Variants in ATP11A observed in about 807,000 individuals in gnomAD.
The protein encoded by ATP11A is phospholipid-transporting ATPase IH.
Under a neutral mutation model 154.4 loss-of-function variants are expected in ATP11A, and 81 were observed. That is an observed-to-expected ratio of 0.52 (90% confidence interval 0.44 to 0.63). The LOEUF (loss-of-function observed/expected upper bound fraction) is 0.63, where lower values mean the gene tolerates loss of function less well. ATP11A is among the 30% of genes least tolerant of loss of function. The pLI is 0.00. For missense variants in ATP11A, 1,316 were observed against 1,474.3 expected, an observed-to-expected ratio of 0.89 and a Z score of 1.76; for synonymous variants, 623 against 585.9, an observed-to-expected ratio of 1.06 and a Z score of -0.91.
chr13:112,796,277 C>T (rs1374301917), intron 2 of ATP11A, among the ~76,000 whole-genome samples: 1 of 152,160 alleles, frequency 6.6e-6, no homozygotes, highest in Non-Finnish European at 1.5e-5. Flanking sequence ...GAAGGATGGC[C>T]TCCCACAGAT....
intron 2 of ATP11A, among the ~76,000 whole-genome samples, chr13:112,787,443 G>A (rs71446641): frequency 0.47 from 45,114 of 95,836 alleles, 11,158 homozygotes; most frequent in Middle Eastern, 0.6. Flanking sequence ...AATTCACACC[G>A]GGTGTCCTGA....
At chr13:112,880,678 G>A (rs930612029) in intron 29 of ATP11A, 21 of 1,269,374 alleles carry the variant, frequency 1.7e-5, no homozygotes, top group Middle Eastern at 2.2e-4. Context: ...GACGCCGCCC[G>A]TGTGCTGTGA....
chr13:112,817,899 C>T (rs780939730), intron 6 of ATP11A, among the ~76,000 whole-genome samples: 12 of 152,238 alleles, frequency 7.9e-5, no homozygotes, highest in Admixed American at 6.5e-5. Context: ...GAAGGGTCCA[C>T]CCGACCTCTG....
chr13:112,776,813 T>G (rs1594648318), intron 1 of ATP11A, among the ~76,000 whole-genome samples: 1 of 152,074 alleles, frequency 6.6e-6, no homozygotes, highest in African/African-American at 2.4e-5. Flanking sequence ...GCCAGGCTGG[T>G]TTCAAACTCC....
rs1408133086 is a variant in ATP11A at position 112,700,221 on chromosome 13, G to A, written c.39+9766G>A. Among the ~76,000 whole-genome samples the A allele has an allele frequency of 2.6e-5, 4 of 152,224 alleles. No individual in the cohort carries two copies. The East Asian group carries it at 7.7e-4, about 29-fold the overall frequency. ...TGGAAATTACACGTTCAACAAAGAT[G>A]TGAAGAGCGTGCAGCCTGGCAAGGC... On this transcript the variant is annotated intron_variant, in intron 1 of 29. Transcript: ENST00000375645.
At chr13:112,791,434 C>G (rs1594712965) in intron 2 of ATP11A, among the ~76,000 whole-genome samples, 1 of 152,244 alleles carries the variant, frequency 6.6e-6, no homozygotes, top group African/African-American at 2.4e-5. Flanking sequence ...GATGAGGGTG[C>G]TGTGTGGGGT....
chr13:112,744,440 G>A (rs962959549), intron 1 of ATP11A, among the ~76,000 whole-genome samples: 1 of 152,204 alleles, frequency 6.6e-6, no homozygotes, highest in African/African-American at 2.4e-5. Flanking sequence ...TCTGAGTGGC[G>A]ATTTCAGGGA....
chr13:112,716,620 G>A (rs1888487598), intron 1 of ATP11A, among the ~76,000 whole-genome samples: 1 of 152,172 alleles, frequency 6.6e-6, no homozygotes, highest in African/African-American at 2.4e-5. Context: ...CTCGGGGCTG[G>A]GTTTGCACTG....
At chr13:112,783,641 A>T (rs2077552878) in intron 1 of ATP11A, among the ~76,000 whole-genome samples, 1 of 152,178 alleles carries the variant, frequency 6.6e-6, no homozygotes, top group African/African-American at 2.4e-5. Flanking sequence ...ATGCCCCAGA[A>T]AGGCTGATGT....
rs186357317 is a variant in ATP11A, at chr13:112,845,711, G to A, written c.1809+3332G>A. 2.9e-4 allele frequency among the ~76,000 whole-genome samples: 26 copies of A among 88,684 alleles called. 1 individual carries two copies. The highest frequency in any genetic ancestry group is 8.6e-4 in the African/African-American group (15 of 17,524). The allele number at this position is 88,684 out of a possible 152,430, so 58.2% of individuals were successfully genotyped here. ...AACCAGTCCAGTTGCTGGCACTAGC[G>A]GTACTAACCAGTCCAGTTACCAGGC... is the stretch of plus-strand genomic sequence containing the variant. On this transcript the variant is annotated intron_variant, in intron 17 of 29. Coordinates refer to ENST00000375645, the MANE Select transcript of ATP11A (RefSeq NM_015205.3).
intron 4 of ATP11A, 94 bp downstream of exon 4, chr13:112,806,387 G>A (rs1002523302): frequency 3.0e-5 from 29 of 956,066 alleles, no homozygotes; most frequent in Non-Finnish European, 4.6e-5. Flanking sequence ...GTTGTAGCTA[G>A]TTCACAGAAA....
chr13:112,882,145 G>A lies in ATP11A; in HGVS notation c.*279G>A, dbSNP rs2080902177. The A allele has an allele frequency of 7.6e-7, 1 of 1,314,618 alleles. No individual in the cohort carries two copies. Among genetic ancestry groups the A allele is most frequent in the African/African-American group, 1.5e-5 (1 of 67,078 alleles). 81.4% of individuals were successfully genotyped at this position (1,314,618 alleles called of 1,614,324 possible). On this transcript the variant is annotated 3_prime_UTR_variant, in exon 30 of 30. Coordinates refer to ENST00000375645, the MANE Select transcript of ATP11A (RefSeq NM_015205.3). This position sits in a 1 kb window ranked among gnomAD's most constrained non-coding sequence, Gnocchi z 5.1. ...GGCAAGGAGGGGGGTCACAGGCCTT[G>A]CCCTCGAGCATGGCACCCTGGCCGC...
chr13:112,710,196 G>A (rs1431200348), intron 1 of ATP11A, among the ~76,000 whole-genome samples: 1 of 152,214 alleles, frequency 6.6e-6, no homozygotes, highest in Non-Finnish European at 1.5e-5. Context: ...TTGCAGACGT[G>A]TGTGTGGCCG....
At position 112,845,356 on chromosome 13, in the gene ATP11A, A is replaced by AG. The variant is rs1259221314; in HGVS notation, c.1809+2978dup. Among the ~76,000 whole-genome samples, 5 of 106,582 alleles carry AG rather than the reference A, an allele frequency of 4.7e-5. 1 individual carries two copies. Among genetic ancestry groups the AG allele is most frequent in the African/African-American group, 2.8e-4 (5 of 17,654 alleles). The allele number at this position is 106,582 out of a possible 152,430, so 69.9% of individuals were successfully genotyped here. A position where few individuals can be genotyped will look rare whatever the true frequency, so the allele number is the denominator to read the frequency against. On this transcript the variant is annotated intron_variant, in intron 17 of 29. Transcript: ENST00000375645. ...ATCGGTACTAACCAGTCCAGTTGCCAGCACTAGCGGTACTATTCAGTCCAG... is the reference window on the plus strand; with the variant it reads ...ATCGGTACTAACCAGTCCAGTTGCCAGGCACTAGCGGTACTATTCAGTCCAG...
At chr13:112,751,073 G>A (rs1008768086) in intron 1 of ATP11A, among the ~76,000 whole-genome samples, 2 of 152,198 alleles carry the variant, frequency 1.3e-5, no homozygotes, top group East Asian at 1.9e-4. Context: ...CGGTGGGGCC[G>A]CAGGGTCTCT....
At chr13:112,702,215 G>C (rs1457828437) in intron 1 of ATP11A, among the ~76,000 whole-genome samples, 2 of 151,750 alleles carry the variant, frequency 1.3e-5, no homozygotes, top group African/African-American at 4.8e-5. Context: ...GCATCGTGGC[G>C]GGCACCTGTA....
At chr13:112,830,570 C>A (rs1159930046) in intron 12 of ATP11A, among the ~76,000 whole-genome samples, 3 of 151,904 alleles carry the variant, frequency 2.0e-5, no homozygotes, top group African/African-American at 7.3e-5. Flanking sequence ...GGTGAGACTC[C>A]GTCTCAAAAA....
At chr13:112,845,998 G>T (rs538123040) in intron 17 of ATP11A, among the ~76,000 whole-genome samples, 1 of 152,302 alleles carries the variant, frequency 6.6e-6, no homozygotes, top group South Asian at 2.1e-4. Context: ...CAGCTGCTGC[G>T]GGCCGCCTGC....
At chr13:112,757,353 C>G (rs189858135) in intron 1 of ATP11A, among the ~76,000 whole-genome samples, 119 of 152,378 alleles carry the variant, frequency 7.8e-4, no homozygotes, top group African/African-American at 2.8e-3. Flanking sequence ...GCAGCTTTTT[C>G]TAGAAGGCAA....
Sources: gnomAD v4.1 joint callset for allele counts (sites outside exome capture counted in the v4.1 genomes callset) on GRCh38, gnomAD v4.1.1 for gene constraint, Gnocchi (gnomAD v3.1) non-coding constraint, MANE v1.5 for transcripts, NCBI Gene and HGNC (gene_info 2026-07-23, HGNC 2026-07-21) for gene names.